TDRD5: variants seen among roughly 807,000 people sequenced by gnomAD.
The protein encoded by TDRD5 is tudor domain-containing protein 5.
Under a neutral mutation model 120.6 loss-of-function variants are expected in TDRD5, and 41 were observed. The observed-to-expected ratio is 0.34, with a 90% CI of 0.26 to 0.44. The LOEUF (loss-of-function observed/expected upper bound fraction) is 0.44. Among genes scored for constraint, TDRD5 ranks in the 20% least tolerant of loss-of-function variants. The pLI is 1.00. For missense variants in TDRD5, 1,006 were observed against 1,221.2 expected, an observed-to-expected ratio of 0.82 and a Z score of 2.63; for synonymous variants, 430 against 433.7, an observed-to-expected ratio of 0.99 and a Z score of 0.11.
intron 4 of TDRD5, among the ~76,000 whole-genome samples, chr1:179,596,167 T>A (rs1675382347): frequency 6.6e-6 from 1 of 152,212 alleles, no homozygotes; most frequent in Non-Finnish European, 1.5e-5. Flanking sequence ...ATAATCCTGG[T>A]ATTTTTCTGT....
intron 5 of TDRD5, 53 bp downstream of exon 5, chr1:179,618,735 T>C: frequency 7.5e-7 from 1 of 1,334,446 alleles, no homozygotes; most frequent in Non-Finnish European, 1.0e-6. Flanking sequence ...TAAATTTATA[T>C]ATCATTTGTG....
intron 5 of TDRD5, among the ~76,000 whole-genome samples, chr1:179,619,772 C>T (rs986263362): frequency 6.6e-6 from 1 of 152,012 alleles, no homozygotes; most frequent in Non-Finnish European, 1.5e-5. Flanking sequence ...GAGGTGCATG[C>T]CACCACACCC....
At chr1:179,673,685 C>A (rs1479709602) in intron 17 of TDRD5, among the ~76,000 whole-genome samples, 1 of 152,052 alleles carries the variant, frequency 6.6e-6, no homozygotes, top group Admixed American at 6.6e-5. Flanking sequence ...ATTAGCCTTT[C>A]CAAAGGAGGC....
intron 4 of TDRD5, among the ~76,000 whole-genome samples, chr1:179,596,382 A>G (rs1334478967): frequency 6.6e-6 from 1 of 152,216 alleles, no homozygotes; most frequent in African/African-American, 2.4e-5. Flanking sequence ...TTTTAAGTGC[A>G]CAGTTCGAGT....
In TDRD5 at chr1:179,640,372, A is replaced by G. The variant is rs200354190; in HGVS notation, c.1734-7A>G. On this transcript the variant is annotated splice_polypyrimidine_tract_variant and splice_region_variant and intron_variant, in intron 10 of 17. Coordinates refer to ENST00000444136, the MANE Select transcript of TDRD5 (RefSeq NM_001199085.3). ...ATTGAACTTACATATTTGATTATCT[A>G]TTGCAGGTGCTGCTACACAAAGCTT... is the stretch of plus-strand genomic sequence containing the variant. The G allele has an allele frequency of 4.3e-5, 70 of 1,613,964 alleles. No homozygotes were observed. The highest frequency in any genetic ancestry group is 8.8e-5 in the South Asian group (8 of 91,082).
At chr1:179,645,367 G>C in intron 11 of TDRD5, among the ~76,000 whole-genome samples, 1 of 152,016 alleles carries the variant, frequency 6.6e-6, no homozygotes, top group East Asian at 1.9e-4. Context: ...TTACAGGCGT[G>C]AGCCACCGCG....
At position 179,669,810 on chromosome 1, in the gene TDRD5, C is replaced by G. The variant is rs144504943; in HGVS notation, c.2860+406C>G. Among the ~76,000 whole-genome samples the G allele has an allele frequency of 2.5e-3, 380 of 152,284 alleles. 1 individual carries two copies. Among genetic ancestry groups the G allele is most frequent in the African/African-American group, 8.6e-3 (357 of 41,556 alleles). ...ACTTGCCTCTGGCATGTCACTTTCC[C>G]TTTTCTAGAATTTCATATAAATGGA... is the stretch of plus-strand genomic sequence containing the variant. On this transcript the variant is annotated intron_variant, in intron 17 of 17. Coordinates refer to ENST00000444136, the MANE Select transcript of TDRD5 (RefSeq NM_001199085.3).
At position 179,646,639 on chromosome 1, in the gene TDRD5, A is replaced by T. The variant is rs1270629521; in HGVS notation, c.1801-4228A>T. ...CAGGAGAAGGAAATAGAGGGTATTC[A>T]ATTAGGAAAAGAGGAAGTCAAATCG... On this transcript the variant is annotated intron_variant, in intron 11 of 17. Coordinates refer to ENST00000444136, the MANE Select transcript of TDRD5 (RefSeq NM_001199085.3). Among the ~76,000 whole-genome samples, 6 of 151,906 alleles carry T rather than the reference A, an allele frequency of 3.9e-5. No individual in the cohort carries two copies. The East Asian group carries it at 1.2e-3, about 29-fold the overall frequency.
At chr1:179,634,144 C>G (rs1264383483) in intron 7 of TDRD5, among the ~76,000 whole-genome samples, 1 of 147,566 alleles carries the variant, frequency 6.8e-6, no homozygotes, top group East Asian at 2.0e-4. Context: ...GCACTCCAGT[C>G]TGGGCAATAG....
rs775130723 is a variant in TDRD5 at position 179,595,713 on chromosome 1, C to T, written c.726C>T (p.Pro242=). The change falls in exon 4 of 18, where the codon CCC becomes CCT. Residue 242 remains proline (P), a synonymous_variant. Transcript: ENST00000444136. ...TAGCAAAGCCATGCTTTTCACAACC[C>T]ACTTCAAACATGGAACCACCGAAGC... The part of the protein sequence containing the change: ...FPVAKPCFSQ[P]TSNMEPPKQI... The T allele has an allele frequency of 1.9e-6, 3 of 1,613,686 alleles. No homozygotes were observed. In the South Asian group the frequency reaches 3.3e-5, roughly 18 times the overall value.
At position 179,652,204 on chromosome 1, in the gene TDRD5, G is replaced by C. The variant is rs1678759455; in HGVS notation, c.2160+7G>C. 3 of 1,592,338 alleles carry C rather than the reference G, an allele frequency of 1.9e-6. No homozygotes were observed. Among genetic ancestry groups the C allele is most frequent in the Non-Finnish European group, 2.6e-6 (3 of 1,174,458 alleles). On this transcript the variant is annotated splice_region_variant and intron_variant, in intron 13 of 17. Transcript: ENST00000444136. ...GAGTGAGTTACGTATCTTGGTAAGA[G>C]ATTTTTGCAAATACTATTATAATTC... is the stretch of plus-strand genomic sequence containing the variant.
intron 4 of TDRD5, among the ~76,000 whole-genome samples, chr1:179,610,907 C>G (rs1032154795): frequency 2.0e-5 from 3 of 152,094 alleles, no homozygotes; most frequent in Non-Finnish European, 4.4e-5. Flanking sequence ...GAAGAGACTT[C>G]ATGCATTTCA....
In TDRD5 at chr1:179,662,216, C is replaced by T; in HGVS notation, c.2435C>T (p.Ala812Val). ...QAKMGKGGDA[A>V]SHLFTASLGG... ...AAGATGGGAAAAGGAGGTGATGCTG[C>T]CTCCCATCTATTTACTGCAAGCCTT... is the stretch of plus-strand genomic sequence containing the variant. Residue 812 changes from alanine to valine, a missense_variant, in exon 15 of 18, where the codon GCC becomes GTC. By Grantham distance (64) the Ala-to-Val change is moderately conservative (BLOSUM62 0). Transcript: ENST00000444136. 2 of 1,611,656 alleles carry T rather than the reference C, an allele frequency of 1.2e-6. No individual in the cohort carries two copies. Among genetic ancestry groups the T allele is most frequent in the South Asian group, 1.1e-5 (1 of 90,474 alleles).
At chr1:179,668,799 G>C (rs1329930626) in intron 16 of TDRD5, among the ~76,000 whole-genome samples, 1 of 142,802 alleles carries the variant, frequency 7.0e-6, no homozygotes, top group African/African-American at 2.6e-5. Context: ...CTGGAGTGCG[G>C]TGGCGCAACC....
intron 11 of TDRD5, among the ~76,000 whole-genome samples, chr1:179,642,496 C>A (rs1024353785): frequency 6.6e-6 from 1 of 152,200 alleles, no homozygotes; most frequent in African/African-American, 2.4e-5. Context: ...GATTGTCCTT[C>A]TTGTCATTCA....
intron 14 of TDRD5, 94 bp from the exon 15 acceptor site, chr1:179,662,010 C>T (rs1181572482): frequency 3.9e-5 from 46 of 1,187,462 alleles, no homozygotes; most frequent in Admixed American, 6.0e-5. Context: ...GTCATCTTTA[C>T]CTGGAGTCAG....
chr1:179,650,695 T>C (rs1002127049), intron 11 of TDRD5, among the ~76,000 whole-genome samples, 172 bp from the exon 12 acceptor site: 1 of 152,176 alleles, frequency 6.6e-6, no homozygotes, highest in Admixed American at 6.5e-5. Flanking sequence ...TTTCCTTTAT[T>C]CTGACTTTTC....
At chr1:179,597,364 C>A (rs1275244005) in intron 4 of TDRD5, among the ~76,000 whole-genome samples, 1 of 138,696 alleles carries the variant, frequency 7.2e-6, no homozygotes, top group African/African-American at 2.6e-5. Context: ...GGGAGTCTCA[C>A]CTTGTCACCC....
chr1:179,599,357 G>C (rs1558369390), intron 4 of TDRD5, among the ~76,000 whole-genome samples: 1 of 151,900 alleles, frequency 6.6e-6, no homozygotes, highest in Non-Finnish European at 1.5e-5. Context: ...AAAGGAGTTG[G>C]GAAGTTTTTT....
Sources: gnomAD v4.1 joint callset for allele counts (sites outside exome capture counted in the v4.1 genomes callset) on GRCh38, gnomAD v4.1.1 for gene constraint, MANE v1.5 for transcripts, NCBI Gene and HGNC (gene_info 2026-07-23, HGNC 2026-07-21) for gene names.